Variants in OSBPL10 observed in about 807,000 individuals in gnomAD.
OSBPL10 encodes the protein oxysterol-binding protein-related protein 10.
OSBPL10 carries 49 observed loss-of-function variants against 81.7 expected under a neutral mutation model. The ratio of observed to expected loss-of-function variants is 0.60; its 90% confidence interval spans 0.48 to 0.76. The LOEUF is 0.76. OSBPL10 is among the 30% of genes least tolerant of loss of function. OSBPL10 has a pLI of 0.00. For missense variants in OSBPL10, 923 were observed against 987.8 expected (o/e 0.93, Z 0.88); for synonymous variants, 419 against 383.6 (o/e 1.09, Z -1.08).
rs140791134 is a variant in OSBPL10 at position 31,702,487 on chromosome 3, C to G, written c.1117G>C (p.Val373Leu). Residue 373 changes from valine (V) to leucine (L), a missense_variant, in exon 7 of 12, where the codon GTT becomes CTT. Coordinates refer to ENST00000396556, the MANE Select transcript of OSBPL10 (RefSeq NM_017784.5). ...TCACTTTTTTCATCTTCAGACAAAA[C>G]CAATTCAGAGCCTGAGTTTGGCTAA... is the stretch of plus-strand genomic sequence containing the variant. ...EPEPNSGSEL[V>L]LSEDEKSDNE... is the part of the protein sequence containing the mutation. 11 of 1,614,182 alleles carry G rather than the reference C, an allele frequency of 6.8e-6. No individual in the cohort carries two copies. Among genetic ancestry groups the G allele is most frequent in the Non-Finnish European group, 8.5e-6 (10 of 1,180,014 alleles).
At chr3:32,067,134 C>T (rs1166851252) in intron 1 of OSBPL10, among the ~76,000 whole-genome samples, 1 of 151,700 alleles carries the variant, frequency 6.6e-6, no homozygotes, top group East Asian at 1.9e-4. Flanking sequence ...CAATGGAACA[C>T]CTTTAAAAAA....
chr3:31,713,008 C>T (rs1290675307), intron 6 of OSBPL10, among the ~76,000 whole-genome samples: 1 of 152,226 alleles, frequency 6.6e-6, no homozygotes, highest in Non-Finnish European at 1.5e-5. Flanking sequence ...CAACCTCAGC[C>T]ACTCTGGCAA....
At chr3:31,676,756 G>A (rs1365628437) in intron 8 of OSBPL10, among the ~76,000 whole-genome samples, 1 of 152,212 alleles carries the variant, frequency 6.6e-6, no homozygotes, top group African/African-American at 2.4e-5. Flanking sequence ...ATTGATTCAG[G>A]CATTTTGAGG....
At chr3:32,055,603 AGTT>A (rs1316905991) in intron 1 of OSBPL10, among the ~76,000 whole-genome samples, 1 of 152,222 alleles carries the variant, frequency 6.6e-6, no homozygotes, top group African/African-American at 2.4e-5. Flanking sequence ...TTATCAATAT[AGTT>A]ATTTGCATAA....
At chr3:31,933,195 A>G (rs1020680688) in intron 1 of OSBPL10, among the ~76,000 whole-genome samples, 4 of 152,128 alleles carry the variant, frequency 2.6e-5, no homozygotes, top group Non-Finnish European at 5.9e-5. Context: ...TTGTCAGGCC[A>G]TCACCAGAGT....
At chr3:31,684,810 G>C (rs950004778) in intron 7 of OSBPL10, among the ~76,000 whole-genome samples, 2 of 152,216 alleles carry the variant, frequency 1.3e-5, no homozygotes, top group African/African-American at 2.4e-5. Context: ...GGCTGGTCCA[G>C]GAGAAACCAG....
At chr3:31,926,937 C>T (rs1397982708) in intron 1 of OSBPL10, among the ~76,000 whole-genome samples, 1 of 152,104 alleles carries the variant, frequency 6.6e-6, no homozygotes, top group African/African-American at 2.4e-5. Flanking sequence ...TGGCGAAACC[C>T]TGTCTCTACT....
rs566195388 is a variant in OSBPL10 at position 31,911,651 on chromosome 3, A to G, written c.282-31821T>C. ...CAAAAAAAAAAAAACTCATGTTTTA[A>G]GAAAAGTTTACAAATTTGTTTTGGG... is the stretch of plus-strand genomic sequence containing the variant. On this transcript the variant is annotated intron_variant, in intron 1 of 11. Coordinates refer to ENST00000396556, the MANE Select transcript of OSBPL10 (RefSeq NM_017784.5). Among the ~76,000 whole-genome samples, 30 of 152,288 alleles carry G rather than the reference A, an allele frequency of 2.0e-4. 1 individual carries two copies. Among genetic ancestry groups the G allele is most frequent in the Admixed American group, 1.7e-3 (26 of 15,292 alleles).
At chr3:31,949,134 G>A (rs566142138) in intron 1 of OSBPL10, among the ~76,000 whole-genome samples, 1 of 152,114 alleles carries the variant, frequency 6.6e-6, no homozygotes, top group Admixed American at 6.5e-5. Flanking sequence ...GGAAAGAGGA[G>A]TTTTAGGTTG....
intron 1 of OSBPL10, among the ~76,000 whole-genome samples, chr3:31,959,238 G>A (rs1263530703): frequency 1.3e-5 from 2 of 151,930 alleles, no homozygotes; most frequent in Non-Finnish European, 2.9e-5. Context: ...ATTTAGCCAG[G>A]TCCCTTCCTG....
At chr3:32,054,895 C>T (rs1251649753) in intron 1 of OSBPL10, among the ~76,000 whole-genome samples, 2 of 152,114 alleles carry the variant, frequency 1.3e-5, no homozygotes, top group Non-Finnish European at 2.9e-5. Context: ...ATTGTTCTCT[C>T]GTTTTGATCC....
At chr3:31,891,752 A>G (rs1305791493) in intron 1 of OSBPL10, among the ~76,000 whole-genome samples, 1 of 152,206 alleles carries the variant, frequency 6.6e-6, no homozygotes, top group Non-Finnish European at 1.5e-5. Context: ...GGTCAACTGT[A>G]CATAGGTTCT....
At chr3:31,955,966 T>C (rs1336431482) in intron 1 of OSBPL10, among the ~76,000 whole-genome samples, 1 of 152,204 alleles carries the variant, frequency 6.6e-6, no homozygotes. Context: ...GTTTGGCCTC[T>C]AGTGTCACCA....
At chr3:31,709,186 T>G (rs1696174702) in intron 6 of OSBPL10, 6 of 320,800 alleles carry the variant, frequency 1.9e-5, no homozygotes, top group South Asian at 1.2e-4. Context: ...TCGGAGATGC[T>G]GAGTTTGTCG....
chr3:31,747,448 T>C (rs1488324068), intron 5 of OSBPL10, among the ~76,000 whole-genome samples: 1 of 145,778 alleles, frequency 6.9e-6, no homozygotes, highest in Non-Finnish European at 1.5e-5. Flanking sequence ...TTTTGTCATT[T>C]TAAGGTACCC....
At chr3:31,836,648 C>G (rs1338954436) in intron 3 of OSBPL10, among the ~76,000 whole-genome samples, 3 of 151,942 alleles carry the variant, frequency 2.0e-5, no homozygotes, top group Non-Finnish European at 4.4e-5. Context: ...GGTCCCAAGT[C>G]AACTGAAAGC....
chr3:31,782,527 T>G (rs1037258106), intron 4 of OSBPL10, among the ~76,000 whole-genome samples: 19 of 152,148 alleles, frequency 1.2e-4, no homozygotes, highest in African/African-American at 4.6e-4. Flanking sequence ...GGAGAAAATA[T>G]TTGAAAACTG....
At chr3:31,680,389 T>A (rs537942416) in intron 8 of OSBPL10, among the ~76,000 whole-genome samples, 1 of 152,228 alleles carries the variant, frequency 6.6e-6, no homozygotes, top group African/African-American at 2.4e-5. Flanking sequence ...TGGTATCTCA[T>A]CCACAGGTCA....
intron 2 of OSBPL10, among the ~76,000 whole-genome samples, chr3:31,879,019 G>A (rs1701554359): frequency 6.6e-6 from 1 of 152,172 alleles, no homozygotes; most frequent in African/African-American, 2.4e-5. Context: ...CGATGGATGT[G>A]TCTTGAGGGT....
Sources: allele counts gnomAD v4.1 joint callset (sites outside exome capture counted in the v4.1 genomes callset), GRCh38; gene constraint gnomAD v4.1.1; transcripts MANE v1.5; gene names NCBI Gene and HGNC (gene_info 2026-07-23, HGNC 2026-07-21).